The following NFKB1 variants were observed in gnomAD, a reference collection of about 807,000 sequenced individuals.
The protein encoded by NFKB1 is nuclear factor NF-kappa-B p105 subunit.
Under a neutral mutation model 105.1 loss-of-function variants are expected in NFKB1, and 9 were observed. The ratio of observed to expected loss-of-function variants is 0.09; its 90% CI spans 0.05 to 0.15. NFKB1 has a LOEUF of 0.15. Among genes scored for constraint, NFKB1 ranks in the 10% least tolerant of loss-of-function variants. NFKB1 has a pLI of 1.00. For synonymous variants in NFKB1, 440 were observed against 442.2 expected, an observed-to-expected ratio of 1.00 and a Z score of 0.06; for missense variants, 830 against 1,203.7, an observed-to-expected ratio of 0.69 and a Z score of 4.59.
At chr4:102,563,185 T>C (rs1217392395) in intron 5 of NFKB1, among the ~76,000 whole-genome samples, 1 of 152,190 alleles carries the variant, frequency 6.6e-6, no homozygotes, top group Non-Finnish European at 1.5e-5. Context: ...TTCTACATCT[T>C]ATTCAAAAAG....
intron 5 of NFKB1, among the ~76,000 whole-genome samples, chr4:102,546,957 A>G (rs1394477222): frequency 6.6e-6 from 1 of 152,186 alleles, no homozygotes; most frequent in African/African-American, 2.4e-5. Flanking sequence ...AAGTCTAGAA[A>G]TGAATATGAA....
intron 18 of NFKB1, 70 bp downstream of exon 18, chr4:102,607,389 G>T (rs2149222042): frequency 6.5e-7 from 1 of 1,529,034 alleles, no homozygotes; most frequent in Non-Finnish European, 9.0e-7. Flanking sequence ...TTTCAAAGAA[G>T]GAAGTCAGTA....
At chr4:102,614,296 G>T (rs1560724857) in intron 23 of NFKB1, among the ~76,000 whole-genome samples, 1 of 152,076 alleles carries the variant, frequency 6.6e-6, no homozygotes. Flanking sequence ...CCTCTCCCCT[G>T]AGTCTAACCC....
chr4:102,581,819 A>G (rs1204732165), intron 9 of NFKB1, among the ~76,000 whole-genome samples: 1 of 152,230 alleles, frequency 6.6e-6, no homozygotes, highest in Non-Finnish European at 1.5e-5. Context: ...TTATCATTAC[A>G]TTGGAATGGC....
At position 102,616,726 on chromosome 4, in the gene NFKB1, C is replaced by A. The variant is rs4648144; in HGVS notation, c.*132C>A. On this transcript the variant is annotated 3_prime_UTR_variant, in exon 24 of 24. Transcript: ENST00000226574. ...CGCCTGAATCATTCTCGATTTAACT[C>A]GAGACCTTTTCAACTTGGCTTCCTT... 2 of 918,774 alleles carry A rather than the reference C, an allele frequency of 2.2e-6. No individual in the cohort carries two copies. The highest frequency in any genetic ancestry group is 1.9e-5 in the South Asian group (1 of 52,630). The allele number at this position is 918,774 out of a possible 1,614,324, so 56.9% of individuals were successfully genotyped here. A position where few individuals can be genotyped will look rare whatever the true frequency, so the allele number is the denominator to read the frequency against.
intron 6 of NFKB1, among the ~76,000 whole-genome samples, chr4:102,571,905 C>T (rs1724399108): frequency 6.6e-6 from 1 of 152,284 alleles, no homozygotes; most frequent in African/African-American, 2.4e-5. Flanking sequence ...ACTAGTTCAG[C>T]CATTGTGGAA....
At chr4:102,604,755 G>T (rs565750790) in intron 16 of NFKB1, among the ~76,000 whole-genome samples, 1 of 151,670 alleles carries the variant, frequency 6.6e-6, no homozygotes, top group South Asian at 2.1e-4. Flanking sequence ...CCTCACTTAT[G>T]TCCTCTTGTG....
chr4:102,593,362 C>G, intron 11 of NFKB1, 63 bp from the exon 12 acceptor site: 1 of 1,424,428 alleles, frequency 7.0e-7, no homozygotes, highest in South Asian at 1.3e-5. Context: ...AGTGGTCTTT[C>G]TGTGGCTAGT....
intron 6 of NFKB1, among the ~76,000 whole-genome samples, chr4:102,571,991 C>A (rs941232100): frequency 2.0e-5 from 3 of 152,168 alleles, no homozygotes; most frequent in Non-Finnish European, 4.4e-5. Flanking sequence ...TGGGTATATA[C>A]CCAAAGGTTT....
chr4:102,539,928 G>A (rs937577942), intron 5 of NFKB1, among the ~76,000 whole-genome samples: 1 of 152,096 alleles, frequency 6.6e-6, no homozygotes, highest in African/African-American at 2.4e-5. Flanking sequence ...TGAAAACAAG[G>A]GAGAGAGAGG....
chr4:102,596,261 C>A lies in NFKB1; in HGVS notation c.1424C>A (p.Ala475Asp). The A allele has an allele frequency of 1.2e-6, 2 of 1,613,640 alleles. No homozygotes were observed. Among genetic ancestry groups the A allele is most frequent in the Non-Finnish European group, 1.7e-6 (2 of 1,179,636 alleles). Residue 475 changes from alanine to aspartate, a missense_variant, in exon 14 of 24, where the codon GCC becomes GAC. This residue lies in a region of NFKB1 where 163 missense variants were observed against 164.3 expected (regional missense o/e 0.99). Coordinates refer to ENST00000226574, the MANE Select transcript of NFKB1 (RefSeq NM_003998.4). Reference sequence around the variant, plus strand: ...GAGCAAGATCAGGAGCCCAGCGAGGCCACCGTTGGGAATGGTGAGGTCACT... The same window carrying A: ...GAGCAAGATCAGGAGCCCAGCGAGGACACCGTTGGGAATGGTGAGGTCACT... ...TTEQDQEPSE[A>D]TVGNGEVTLT...
At chr4:102,506,259 A>G (rs1739408995) in intron 1 of NFKB1, among the ~76,000 whole-genome samples, 1 of 152,208 alleles carries the variant, frequency 6.6e-6, no homozygotes, top group Non-Finnish European at 1.5e-5. Flanking sequence ...ATCAAATACT[A>G]ATACCTCCAA....
At chr4:102,525,045 A>C (rs904621376) in intron 1 of NFKB1, among the ~76,000 whole-genome samples, 4 of 152,214 alleles carry the variant, frequency 2.6e-5, no homozygotes, top group African/African-American at 9.6e-5. Flanking sequence ...AGTACTGATC[A>C]GTCCCTTTTG....
At chr4:102,524,817 C>T (rs1283864189) in intron 1 of NFKB1, among the ~76,000 whole-genome samples, 1 of 152,118 alleles carries the variant, frequency 6.6e-6, no homozygotes, top group Admixed American at 6.5e-5. Context: ...GTTTATGCTC[C>T]TATGAGAATC....
intron 15 of NFKB1, among the ~76,000 whole-genome samples, chr4:102,598,329 C>T (rs1449246654): frequency 6.6e-6 from 1 of 152,124 alleles, no homozygotes; most frequent in African/African-American, 2.4e-5. Flanking sequence ...AAAATGATCT[C>T]AAAAGCCTAT....
intron 23 of NFKB1, among the ~76,000 whole-genome samples, chr4:102,615,774 A>G (rs1270083036): frequency 6.6e-6 from 1 of 152,200 alleles, no homozygotes; most frequent in East Asian, 1.9e-4. Context: ...TTAATATTCT[A>G]ATATTGGAAT....
At chr4:102,510,248 A>G (rs1448840842) in intron 1 of NFKB1, among the ~76,000 whole-genome samples, 2 of 152,208 alleles carry the variant, frequency 1.3e-5, no homozygotes, top group Non-Finnish European at 2.9e-5. Flanking sequence ...CCTAGAAAAG[A>G]AACATCTTGA....
intron 1 of NFKB1, chr4:102,510,935 G>C: frequency 7.8e-7 from 1 of 1,285,206 alleles, no homozygotes; most frequent in Non-Finnish European, 1.0e-6. Context: ...TTGGAGATAT[G>C]AAAAGAACCA....
intron 5 of NFKB1, among the ~76,000 whole-genome samples, chr4:102,550,481 C>T (rs1722489487): frequency 6.6e-6 from 1 of 152,008 alleles, no homozygotes; most frequent in Non-Finnish European, 1.5e-5. Context: ...CAGGCTTCTT[C>T]CCTCCCTCCC....
Sources: gnomAD v4.1 joint callset for allele counts (sites outside exome capture counted in the v4.1 genomes callset) on GRCh38, gnomAD v4.1.1 for gene constraint, gnomAD v4.1.1 regional missense constraint, MANE v1.5 for transcripts, NCBI Gene and HGNC (gene_info 2026-07-23, HGNC 2026-07-21) for gene names.